The following SCAI variants were observed in gnomAD, a reference collection of about 807,000 sequenced individuals.
SCAI encodes the protein protein SCAI.
A neutral mutation model predicts 92.2 loss-of-function variants in SCAI; 24 were observed. The ratio of observed to expected loss-of-function variants is 0.26; its 90% CI spans 0.19 to 0.37. The LOEUF is 0.37. Among genes scored for constraint, SCAI ranks in the 10% least tolerant of loss-of-function variants. The pLI, the probability that SCAI is intolerant of heterozygous loss-of-function variation, is 1.00. For missense variants in SCAI, 450 were observed against 736.2 expected, an observed-to-expected ratio of 0.61 and a Z score of 4.50; for synonymous variants, 261 against 258.6, an observed-to-expected ratio of 1.01 and a Z score of -0.09.
Position 124,945,899 on chromosome 9 carries a change from C to T in SCAI, c.*6908G>A, listed in dbSNP as rs1317338728. 1 of 152,012 alleles carries T rather than the reference C, an allele frequency of 6.6e-6. No individual in the cohort carries two copies. The highest frequency in any genetic ancestry group is 2.4e-5 in the African/African-American group (1 of 41,382). The allele number at this position is 152,012 out of a possible 1,614,324, so 9.4% of individuals were successfully genotyped here. A position where few individuals can be genotyped will look rare whatever the true frequency, so the allele number is the denominator to read the frequency against. On this transcript the variant is annotated 3_prime_UTR_variant, in exon 18 of 18. Coordinates refer to ENST00000336505, the MANE Select transcript of SCAI (RefSeq NM_001144877.3). ...AAGTGGTCCCATTATCCAGGAAAGA[C>T]TGAGAGGTACAGCAAAAATAGTTGT...
chr9:125,128,542 A>T (rs1434736394), intron 2 of SCAI, among the ~76,000 whole-genome samples: 1 of 150,690 alleles, frequency 6.6e-6, no homozygotes, highest in African/African-American at 2.4e-5. Flanking sequence ...TCACGAGGTC[A>T]GGAGATCGAG....
chr9:125,134,574 T>C (rs1270640434), intron 2 of SCAI, among the ~76,000 whole-genome samples: 4 of 152,244 alleles, frequency 2.6e-5, no homozygotes, highest in Middle Eastern at 3.2e-3. Context: ...TTGTTCCTAA[T>C]AGGACCAGAA....
At chr9:125,024,641 C>T (rs1170415281) in intron 6 of SCAI, among the ~76,000 whole-genome samples, 2 of 152,094 alleles carry the variant, frequency 1.3e-5, no homozygotes, top group African/African-American at 4.8e-5. Flanking sequence ...CTGCTAGGCT[C>T]CCTACTTACA....
intron 2 of SCAI, among the ~76,000 whole-genome samples, chr9:125,134,625 T>C (rs910355779): frequency 4.6e-5 from 7 of 152,342 alleles, no homozygotes; most frequent in Admixed American, 1.3e-4. Context: ...TTAACAGACA[T>C]ATTGGACTCT....
chr9:125,138,491 T>C (rs1432893594), intron 2 of SCAI, among the ~76,000 whole-genome samples: 3 of 152,032 alleles, frequency 2.0e-5, no homozygotes, highest in Admixed American at 2.0e-4. Context: ...CTCAGCTCAC[T>C]GCAAGCTTTG....
At chr9:125,005,981 G>A (rs1224382008) in intron 9 of SCAI, among the ~76,000 whole-genome samples, 1 of 152,060 alleles carries the variant, frequency 6.6e-6, no homozygotes, top group African/African-American at 2.4e-5. Flanking sequence ...TATTTGCATG[G>A]CTGAAAAATC....
At chr9:125,137,267 C>T (rs1446748075) in intron 2 of SCAI, among the ~76,000 whole-genome samples, 2 of 152,136 alleles carry the variant, frequency 1.3e-5, no homozygotes, top group African/African-American at 4.8e-5. Flanking sequence ...CAGGATCTAA[C>T]CTAAATCAGG....
chr9:124,965,868 T>C (rs1332146145), intron 17 of SCAI, among the ~76,000 whole-genome samples: 1 of 152,200 alleles, frequency 6.6e-6, no homozygotes, highest in Admixed American at 6.5e-5. Context: ...TTTACTACAG[T>C]ACTGCACTAA....
chr9:125,046,196 GATAT>G lies in SCAI; in HGVS notation c.230+9676_230+9679del, dbSNP rs71374222. Among the ~76,000 whole-genome samples, 119 of 51,876 alleles carry G rather than the reference GATAT, an allele frequency of 2.3e-3. 1 individual carries two copies. The highest frequency in any genetic ancestry group is 2.7e-3 in the African/African-American group (36 of 13,400). 34.0% of individuals were successfully genotyped at this position (51,876 alleles called of 152,430 possible). ...CAACAAGTGAATAAAGAAATTGTGA[GATAT>G]ATATATATATATATATATATATATG... On this transcript the variant is annotated intron_variant, in intron 3 of 17. Coordinates refer to ENST00000336505, the MANE Select transcript of SCAI (RefSeq NM_001144877.3).
chr9:125,089,211 T>C (rs1469862850), intron 2 of SCAI, among the ~76,000 whole-genome samples: 2 of 152,334 alleles, frequency 1.3e-5, no homozygotes, highest in African/African-American at 2.4e-5. Flanking sequence ...CTACCTCAAG[T>C]AGATAAACCA....
intron 15 of SCAI, among the ~76,000 whole-genome samples, chr9:124,973,284 A>G (rs1353799887): frequency 6.6e-6 from 1 of 152,256 alleles, no homozygotes; most frequent in Admixed American, 6.5e-5. Context: ...AGGACTAAGA[A>G]TGCTCAACCT....
At chr9:125,077,579 T>C (rs1834116780) in intron 2 of SCAI, among the ~76,000 whole-genome samples, 2 of 152,240 alleles carry the variant, frequency 1.3e-5, no homozygotes, top group African/African-American at 2.4e-5. Context: ...TATGAAGTAT[T>C]GTACTTCTCC....
intron 2 of SCAI, among the ~76,000 whole-genome samples, chr9:125,095,198 C>G (rs374820476): frequency 2.0e-5 from 3 of 152,288 alleles, no homozygotes; most frequent in African/African-American, 7.2e-5. Context: ...CTGCTCAAAG[C>G]AGGGCAACTC....
intron 2 of SCAI, among the ~76,000 whole-genome samples, chr9:125,139,223 A>C (rs769953588): frequency 6.6e-5 from 10 of 152,218 alleles, no homozygotes; most frequent in Non-Finnish European, 1.5e-4. Context: ...GACCAGCCTG[A>C]GCAACATGGT....
intron 2 of SCAI, among the ~76,000 whole-genome samples, chr9:125,122,382 A>G (rs1835172772): frequency 6.7e-6 from 1 of 148,626 alleles, no homozygotes; most frequent in African/African-American, 2.5e-5. Flanking sequence ...CGAGGTCAGG[A>G]GTTCAAGACC....
chr9:125,141,631 G>A (rs1000921376), intron 2 of SCAI, among the ~76,000 whole-genome samples: 12 of 152,234 alleles, frequency 7.9e-5, no homozygotes, highest in African/African-American at 2.9e-4. Context: ...AGTGTCCAAC[G>A]ACAAAAGATA....
chr9:125,059,260 G>C (rs1243904146), intron 2 of SCAI, among the ~76,000 whole-genome samples: 1 of 152,134 alleles, frequency 6.6e-6, no homozygotes, highest in African/African-American at 2.4e-5. Flanking sequence ...CAAGTTGGGG[G>C]ACATTCTACA....
intron 3 of SCAI, among the ~76,000 whole-genome samples, chr9:125,037,529 T>G (rs1362164621): frequency 6.6e-6 from 1 of 152,206 alleles, no homozygotes; most frequent in African/African-American, 2.4e-5. Flanking sequence ...GACTGTTTCC[T>G]GGTCATATTT....
At chr9:125,019,276 T>A in intron 7 of SCAI, 71 bp from the exon 8 acceptor site, 2 of 821,524 alleles carry the variant, frequency 2.4e-6, no homozygotes, top group South Asian at 3.4e-5. Flanking sequence ...TAGAACCATA[T>A]TCCTGACAGA....
Sources: gnomAD v4.1 joint callset for allele counts (sites outside exome capture counted in the v4.1 genomes callset) on GRCh38, gnomAD v4.1.1 for gene constraint, MANE v1.5 for transcripts, NCBI Gene and HGNC (gene_info 2026-07-23, HGNC 2026-07-21) for gene names.